Variants in TEAD1 observed in about 807,000 individuals in gnomAD.
TEAD1 encodes transcriptional enhancer factor TEF-1.
A neutral mutation model predicts 54.9 loss-of-function variants in TEAD1; 9 were observed. The observed-to-expected ratio is 0.16, with a 90% CI of 0.10 to 0.29. The LOEUF (loss-of-function observed/expected upper bound fraction) is 0.29. Ranked by LOEUF, TEAD1 falls within the 10% of genes least tolerant of loss-of-function variation. TEAD1 has a pLI of 1.00. For missense variants in TEAD1, 387 were observed against 535.9 expected, an observed-to-expected ratio of 0.72 and a Z score of 2.74; for synonymous variants, 200 against 187.8, an observed-to-expected ratio of 1.07 and a Z score of -0.53.
chr11:12,904,728 A>G (rs1440285), intron 10 of TEAD1: 93,504 of 167,934 alleles, frequency 0.56, 28,493 homozygotes, highest in Middle Eastern at 0.73. Context: ...ATATTTTAAA[A>G]TTTGCTCAGT....
At chr11:12,893,276 C>G (rs903230882) in intron 9 of TEAD1, among the ~76,000 whole-genome samples, 1 of 152,108 alleles carries the variant, frequency 6.6e-6, no homozygotes, top group Non-Finnish European at 1.5e-5. Context: ...TCCAGCAGGA[C>G]GTAGGAGATG....
At chr11:12,924,385 C>CT (rs1564992663) in intron 10 of TEAD1, among the ~76,000 whole-genome samples, 2 of 152,122 alleles carry the variant, frequency 1.3e-5, no homozygotes. Flanking sequence ...ATAGTAGGTG[C>CT]TTAATAAAAA....
At chr11:12,932,596 A>G (rs1420641804) in intron 12 of TEAD1, among the ~76,000 whole-genome samples, 1 of 152,200 alleles carries the variant, frequency 6.6e-6, no homozygotes, top group African/African-American at 2.4e-5. Flanking sequence ...ACTGCATAGC[A>G]GTGTGAAGGG....
intron 10 of TEAD1, among the ~76,000 whole-genome samples, chr11:12,904,535 A>T (rs1948483914): frequency 6.6e-6 from 1 of 152,146 alleles, no homozygotes. Context: ...AGAAACTACT[A>T]CTGCTTGTTG....
At chr11:12,870,659 G>T (rs1947728024) in intron 5 of TEAD1, among the ~76,000 whole-genome samples, 1 of 152,184 alleles carries the variant, frequency 6.6e-6, no homozygotes, top group Non-Finnish European at 1.5e-5. Context: ...GCCGAGATGG[G>T]CAGATTGCCT....
chr11:12,838,831 T>G (rs565402889), intron 3 of TEAD1, among the ~76,000 whole-genome samples: 3 of 152,342 alleles, frequency 2.0e-5, no homozygotes, highest in African/African-American at 7.2e-5. Context: ...GCAGTACAGT[T>G]AAAAATATTT....
chr11:12,767,247 C>G (rs532738145), intron 3 of TEAD1, among the ~76,000 whole-genome samples: 3 of 152,218 alleles, frequency 2.0e-5, no homozygotes, highest in Non-Finnish European at 4.4e-5. Context: ...GGCCTGTTCC[C>G]CATCTTACCA....
chr11:12,878,515 A>T (rs755288463), intron 5 of TEAD1, among the ~76,000 whole-genome samples: 29 of 152,208 alleles, frequency 1.9e-4, no homozygotes, highest in Admixed American at 3.9e-4. Context: ...GGTAGCCTTT[A>T]TATGCCTACG....
intron 2 of TEAD1, among the ~76,000 whole-genome samples, chr11:12,679,204 A>G (rs1020204917): frequency 2.0e-5 from 3 of 152,150 alleles, no homozygotes; most frequent in Non-Finnish European, 2.9e-5. Flanking sequence ...TGGCAGGCCA[A>G]GGGAAGGGTG....
At chr11:12,857,578 C>CTGTGTGTGTGTG (rs10694132) in intron 3 of TEAD1, among the ~76,000 whole-genome samples, 8,280 of 145,754 alleles carry the variant, frequency 0.057, 316 homozygotes, top group African/African-American at 0.1. Flanking sequence ...CTCTCTGTCT[C>CTGTGTGTGTGTG]TGTGTGTGTG....
At chr11:12,683,084 C>T (rs570587777) in intron 2 of TEAD1, among the ~76,000 whole-genome samples, 1 of 152,178 alleles carries the variant, frequency 6.6e-6, no homozygotes, top group Non-Finnish European at 1.5e-5. Context: ...TGTATGGACA[C>T]TGATCACTCT....
At chr11:12,870,537 C>T (rs1360227655) in intron 5 of TEAD1, among the ~76,000 whole-genome samples, 2 of 151,870 alleles carry the variant, frequency 1.3e-5, no homozygotes, top group Non-Finnish European at 2.9e-5. Context: ...TTTATACATT[C>T]AGAGTTGTGG....
intron 8 of TEAD1, among the ~76,000 whole-genome samples, chr11:12,882,399 C>G (rs1018982052): frequency 2.6e-5 from 4 of 152,138 alleles, no homozygotes; most frequent in African/African-American, 9.7e-5. Flanking sequence ...ATGAATCTGT[C>G]TAGCCTACCT....
chr11:12,817,183 T>C (rs561279024), intron 3 of TEAD1, among the ~76,000 whole-genome samples: 1 of 152,332 alleles, frequency 6.6e-6, no homozygotes, highest in African/African-American at 2.4e-5. Context: ...CTCACGCCTT[T>C]AAAGCCAGAA....
At chr11:12,783,466 T>G (rs1280392023) in intron 3 of TEAD1, among the ~76,000 whole-genome samples, 1 of 152,212 alleles carries the variant, frequency 6.6e-6, no homozygotes, top group African/African-American at 2.4e-5. Flanking sequence ...GGTTCTCTGC[T>G]AAGATGCATT....
At chr11:12,898,241 T>C (rs914156226) in intron 9 of TEAD1, among the ~76,000 whole-genome samples, 1 of 152,138 alleles carries the variant, frequency 6.6e-6, no homozygotes, top group African/African-American at 2.4e-5. Flanking sequence ...CACTGCTTGC[T>C]CCCAGCTCTT....
chr11:12,815,018 C>T (rs1167820536), intron 3 of TEAD1, among the ~76,000 whole-genome samples: 1 of 152,118 alleles, frequency 6.6e-6, no homozygotes, highest in African/African-American at 2.4e-5. Flanking sequence ...TGACTAAGTG[C>T]TTAATGGAGA....
rs772254090 is a variant in TEAD1, at chr11:12,938,351, G to A, written c.*1129G>A. 2.0e-5 allele frequency: 3 copies of A among 152,624 alleles called. No homozygotes were observed. Among genetic ancestry groups the A allele is most frequent in the Non-Finnish European group, 2.9e-5 (2 of 68,034 alleles). 9.5% of individuals were successfully genotyped at this position (152,624 alleles called of 1,614,324 possible). A position where few individuals can be genotyped will look rare whatever the true frequency, so the allele number is the denominator to read the frequency against. On this transcript the variant is annotated 3_prime_UTR_variant, in exon 13 of 13. Transcript: ENST00000527636. Reference sequence around the variant, plus strand: ...AAATTGTAAGCATCCTCACCAGCCTGTGGATACATTCTTTATTTCTAGTGA... The same window carrying A: ...AAATTGTAAGCATCCTCACCAGCCTATGGATACATTCTTTATTTCTAGTGA...
rs1590009527 is a variant in TEAD1 at position 12,940,004 on chromosome 11, C to G, written c.*2782C>G. The G allele has an allele frequency of 6.6e-6, 1 of 152,272 alleles. No homozygotes were observed. The highest frequency in any genetic ancestry group is 6.5e-5 in the Admixed American group (1 of 15,288). The allele number at this position is 152,272 out of a possible 1,614,324, so 9.4% of individuals were successfully genotyped here. A position where few individuals can be genotyped will look rare whatever the true frequency, so the allele number is the denominator to read the frequency against. The stretch of plus-strand genomic sequence containing the variant: ...CCGTCTTGCTTCTCTTCCAGGTGCT[C>G]TATCCCCTCGAGACCCTCTGGTGCC... On this transcript the variant is annotated 3_prime_UTR_variant, in exon 13 of 13. Coordinates refer to ENST00000527636, the MANE Select transcript of TEAD1 (RefSeq NM_021961.6).
Sources: gnomAD v4.1 joint callset for allele counts (sites outside exome capture counted in the v4.1 genomes callset) on GRCh38, gnomAD v4.1.1 for gene constraint, MANE v1.5 for transcripts, NCBI Gene and HGNC (gene_info 2026-07-23, HGNC 2026-07-21) for gene names.